Variants in CSRNP3 observed in about 807,000 individuals in gnomAD.
CSRNP3 encodes the protein cysteine and serine rich nuclear protein 3.
A neutral mutation model predicts 48.0 loss-of-function variants in CSRNP3; 12 were observed. That is an observed-to-expected ratio of 0.25 (90% CI 0.16 to 0.41). The LOEUF (loss-of-function observed/expected upper bound fraction) is 0.41. CSRNP3 is among the 10% of genes least tolerant of loss of function. CSRNP3 has a pLI of 1.00. For synonymous variants in CSRNP3, 263 were observed against 269.7 expected (o/e 0.98, Z 0.24); for missense variants, 580 against 724.4 (o/e 0.80, Z 2.29).
chr2:165,529,062 A>G lies in CSRNP3; in HGVS notation c.-24+11101A>G, dbSNP rs527531174. On this transcript the variant is annotated intron_variant, in intron 3 of 6. Coordinates refer to ENST00000651982, the MANE Select transcript of CSRNP3 (RefSeq NM_001172173.2). ...GGGGTCCCTGCATTCTTGGGGGCCC[A>G]GGAAGGCCCCCCTGCCCTCACAGGC... 2.0e-5 allele frequency among the ~76,000 whole-genome samples: 3 copies of G among 152,262 alleles called. No individual in the cohort carries two copies. In the East Asian group the frequency reaches 5.8e-4, roughly 29 times the overall value.
chr2:165,484,192 C>T (rs1002169077), intron 1 of CSRNP3, among the ~76,000 whole-genome samples: 1 of 152,010 alleles, frequency 6.6e-6, no homozygotes, highest in African/African-American at 2.4e-5. Context: ...CAGGTTCAAG[C>T]AATTTTTCTT....
chr2:165,501,735 T>C (rs1255952210), intron 2 of CSRNP3, among the ~76,000 whole-genome samples: 2 of 152,180 alleles, frequency 1.3e-5, no homozygotes, highest in Non-Finnish European at 2.9e-5. Flanking sequence ...TCATCTTAAG[T>C]ATAACGTGAG....
chr2:165,479,666 CT>C (rs937634517), intron 1 of CSRNP3, among the ~76,000 whole-genome samples: 9 of 152,088 alleles, frequency 5.9e-5, no homozygotes, highest in African/African-American at 2.2e-4. Flanking sequence ...AGGAGGTTTG[CT>C]TGAGCTCAGG....
chr2:165,539,638 T>C (rs973699092), intron 3 of CSRNP3, among the ~76,000 whole-genome samples: 7 of 152,088 alleles, frequency 4.6e-5, no homozygotes, highest in African/African-American at 1.7e-4. Flanking sequence ...GACTTTTTAA[T>C]TCATTTTCCA....
At chr2:165,524,718 C>T (rs1684710669) in intron 3 of CSRNP3, among the ~76,000 whole-genome samples, 1 of 152,130 alleles carries the variant, frequency 6.6e-6, no homozygotes, top group African/African-American at 2.4e-5. Flanking sequence ...ACCATCTGAC[C>T]TCTTTCATAA....
At chr2:165,481,706 C>G (rs1008225111) in intron 1 of CSRNP3, among the ~76,000 whole-genome samples, 2 of 152,014 alleles carry the variant, frequency 1.3e-5, no homozygotes, top group Non-Finnish European at 2.9e-5. Flanking sequence ...TACAAGGCAT[C>G]CTGGAATACA....
At position 165,529,743 on chromosome 2, in the gene CSRNP3, G is replaced by GCCTT. The variant is rs200899721; in HGVS notation, c.-24+11783_-24+11786dup. Reference sequence around the variant, plus strand: ...GAAGTTTTTCAAGGGCAAGAAATATGCCTTATTTATTCAGAACATATAGCA... The same window carrying GCCTT: ...GAAGTTTTTCAAGGGCAAGAAATATGCCTTCCTTATTTATTCAGAACATATAGCA... On this transcript the variant is annotated intron_variant, in intron 3 of 6. Transcript: ENST00000651982. 8.1e-3 allele frequency among the ~76,000 whole-genome samples: 1,235 copies of GCCTT among 152,224 alleles called. 17 individuals carry two copies. The highest frequency in any genetic ancestry group is 0.028 in the African/African-American group (1,184 of 41,554).
chr2:165,505,377 G>T (rs1684412572), intron 2 of CSRNP3, among the ~76,000 whole-genome samples: 1 of 152,118 alleles, frequency 6.6e-6, no homozygotes, highest in Non-Finnish European at 1.5e-5. Flanking sequence ...AGATACAGAA[G>T]TTGACTGGGC....
At chr2:165,676,097 A>G (rs867288567) in intron 5 of CSRNP3, among the ~76,000 whole-genome samples, 1 of 152,312 alleles carries the variant, frequency 6.6e-6, no homozygotes, top group African/African-American at 2.4e-5. Flanking sequence ...TCCAATTAAC[A>G]GTCTTCTGTT....
intron 2 of CSRNP3, among the ~76,000 whole-genome samples, chr2:165,517,340 C>T (rs1684595001): frequency 6.6e-6 from 1 of 151,704 alleles, no homozygotes; most frequent in Admixed American, 6.6e-5. Flanking sequence ...TTTCTTAAGG[C>T]CTAAGTTATC....
chr2:165,484,066 G>A (rs377007607), intron 1 of CSRNP3, among the ~76,000 whole-genome samples: 3 of 152,068 alleles, frequency 2.0e-5, no homozygotes, highest in African/African-American at 4.8e-5. Flanking sequence ...TATTGTATAC[G>A]GAATCAGTAA....
chr2:165,523,417 A>C (rs1187600279), intron 3 of CSRNP3, among the ~76,000 whole-genome samples: 2 of 152,112 alleles, frequency 1.3e-5, no homozygotes, highest in Non-Finnish European at 2.9e-5. Flanking sequence ...TCTTCAACTC[A>C]TTCAAGCTCT....
chr2:165,609,543 T>TTA (rs1553479422), intron 4 of CSRNP3, among the ~76,000 whole-genome samples: 2 of 35,456 alleles, frequency 5.6e-5, no homozygotes, highest in African/African-American at 1.3e-4. Flanking sequence ...TAAATACTGA[T>TTA]AAAAAAAAAA....
Position 165,590,675 on chromosome 2 carries a change from T to G in CSRNP3, c.-23-4368T>G, listed in dbSNP as rs148832237. 2.6e-5 allele frequency among the ~76,000 whole-genome samples: 4 copies of G among 152,270 alleles called. No individual in the cohort carries two copies. In the East Asian group the frequency reaches 5.8e-4, roughly 22 times the overall value. On this transcript the variant is annotated intron_variant, in intron 3 of 6. Transcript: ENST00000651982. The stretch of plus-strand genomic sequence containing the variant: ...ATAGTGAGTGAGTTCTCATGAGATC[T>G]GATGGTTTTATAAGGGGTTTTCCCC...
At chr2:165,566,223 A>G (rs1034783283) in intron 3 of CSRNP3, among the ~76,000 whole-genome samples, 1 of 151,886 alleles carries the variant, frequency 6.6e-6, no homozygotes, top group African/African-American at 2.4e-5. Flanking sequence ...AAAAAATCTT[A>G]GCATTTTCAG....
At chr2:165,559,295 C>A (rs932108526) in intron 3 of CSRNP3, among the ~76,000 whole-genome samples, 1 of 152,152 alleles carries the variant, frequency 6.6e-6, no homozygotes, top group African/African-American at 2.4e-5. Context: ...ACAAATAATA[C>A]AGTCTCTCAA....
chr2:165,577,236 T>G (rs906293294), intron 3 of CSRNP3, among the ~76,000 whole-genome samples: 18 of 151,820 alleles, frequency 1.2e-4, no homozygotes, highest in Admixed American at 3.9e-4. Flanking sequence ...TTTCTCTATT[T>G]TAATATAATA....
intron 4 of CSRNP3, among the ~76,000 whole-genome samples, chr2:165,627,639 C>T (rs1195834101): frequency 6.6e-6 from 1 of 152,126 alleles, no homozygotes; most frequent in African/African-American, 2.4e-5. Context: ...TGGTGCCCTC[C>T]ACTACTAGAT....
chr2:165,625,191 A>T (rs1488954313), intron 4 of CSRNP3, among the ~76,000 whole-genome samples: 1 of 152,142 alleles, frequency 6.6e-6, no homozygotes, highest in Non-Finnish European at 1.5e-5. Flanking sequence ...GTATTTACTG[A>T]GCACTTCCTA....
Sources: gnomAD v4.1 joint callset for allele counts (sites outside exome capture counted in the v4.1 genomes callset) on GRCh38, gnomAD v4.1.1 for gene constraint, MANE v1.5 for transcripts, NCBI Gene and HGNC (gene_info 2026-07-23, HGNC 2026-07-21) for gene names.